TENM3: variants seen among roughly 807,000 people sequenced by gnomAD.
The protein encoded by TENM3 is teneurin transmembrane protein 3.
In TENM3, 63 loss-of-function variants were observed where a neutral mutation model predicts 255.1. The observed-to-expected ratio is 0.25, with a 90% CI of 0.20 to 0.30. TENM3 has a LOEUF of 0.30. Ranked by LOEUF, TENM3 falls within the 10% of genes least tolerant of loss-of-function variation. TENM3 has a pLI of 1.00. For synonymous variants in TENM3, 1,306 were observed against 1,322.3 expected, an observed-to-expected ratio of 0.99 and a Z score of 0.27; for missense variants, 2,929 against 3,461.1, an observed-to-expected ratio of 0.85 and a Z score of 3.86.
intron 7 of TENM3, among the ~76,000 whole-genome samples, chr4:182,676,345 G>A (rs1341376626): frequency 6.6e-6 from 1 of 152,148 alleles, no homozygotes; most frequent in African/African-American, 2.4e-5. Flanking sequence ...TTCACATGAA[G>A]GCTGTTGTCG....
the TENM3 span, among the ~76,000 whole-genome samples, chr4:181,938,682 C>T: frequency 6.6e-6 from 1 of 152,172 alleles, no homozygotes; most frequent in Non-Finnish European, 1.5e-5. Context: ...ATGCATCCCC[C>T]ACCTCGTGCC....
the TENM3 span, among the ~76,000 whole-genome samples, chr4:182,015,856 GTTT>G: frequency 6.6e-6 from 1 of 152,100 alleles, no homozygotes; most frequent in Non-Finnish European, 1.5e-5. Flanking sequence ...CTGATTTTAA[GTTT>G]TTAAGATGAC....
In TENM3 at chr4:182,316,880, G is replaced by A. The variant is rs1402000495; in HGVS notation, c.-75-7066G>A. Among the ~76,000 whole-genome samples the A allele has an allele frequency of 2.0e-5, 3 of 152,074 alleles. 1 individual carries two copies. The South Asian group carries it at 6.2e-4, about 32-fold the overall frequency. On this transcript the variant is annotated intron_variant, in intron 1 of 27. Coordinates refer to ENST00000511685, the MANE Select transcript of TENM3 (RefSeq NM_001080477.4). ...GTGAGGGTCTTCTGGACTCTTCCTG[G>A]GTCCCCCTTCCTGTGCTACAGTCTG... is the stretch of plus-strand genomic sequence containing the variant.
At chr4:181,846,807 C>T in the TENM3 span, among the ~76,000 whole-genome samples, 1 of 151,970 alleles carries the variant, frequency 6.6e-6, no homozygotes, top group Non-Finnish European at 1.5e-5. Context: ...CATTTGGAGC[C>T]CAGGAATCTG....
chr4:182,423,607 C>G (rs905350506), intron 3 of TENM3, among the ~76,000 whole-genome samples: 1 of 152,164 alleles, frequency 6.6e-6, no homozygotes, highest in Non-Finnish European at 1.5e-5. Context: ...GTAAAATACT[C>G]TTTTTTAAAA....
chr4:181,486,676 T>C, the TENM3 span, among the ~76,000 whole-genome samples: 15 of 152,196 alleles, frequency 9.9e-5, no homozygotes, highest in Admixed American at 9.8e-4. Context: ...CCACAGTTGA[T>C]GTTGTGTTAC....
intron 21 of TENM3, 110 bp downstream of exon 21, chr4:182,753,714 TGG>T: frequency 9.8e-7 from 1 of 1,024,530 alleles, no homozygotes. Flanking sequence ...TGTGTTGCAG[TGG>T]TTCTGATAGG....
At chr4:181,793,846 T>A in the TENM3 span, among the ~76,000 whole-genome samples, 2 of 152,352 alleles carry the variant, frequency 1.3e-5, no homozygotes, top group Admixed American at 6.5e-5. Flanking sequence ...TCAATTGGAA[T>A]GCTGTTGAGT....
At chr4:181,963,099 C>T in the TENM3 span, among the ~76,000 whole-genome samples, 4 of 152,172 alleles carry the variant, frequency 2.6e-5, no homozygotes, top group East Asian at 1.9e-4. Context: ...ATTTTAGAAT[C>T]GATTTCTTCT....
At chr4:182,448,927 G>A in intron 3 of TENM3, 1 of 352,632 alleles carries the variant, frequency 2.8e-6, no homozygotes, top group Non-Finnish European at 5.8e-6. Context: ...CTCGGCGGCC[G>A]GGTGTAAACA....
chr4:181,845,902 G>T, the TENM3 span, among the ~76,000 whole-genome samples: 1 of 152,166 alleles, frequency 6.6e-6, no homozygotes, highest in Non-Finnish European at 1.5e-5. Flanking sequence ...AGTGGCTTGA[G>T]CCTCTTATTC....
chr4:181,922,066 G>A, the TENM3 span, among the ~76,000 whole-genome samples: 252 of 152,254 alleles, frequency 1.7e-3, no homozygotes, highest in African/African-American at 5.7e-3. Flanking sequence ...AACCAGCCTT[G>A]CATCCCAGGG....
the TENM3 span, among the ~76,000 whole-genome samples, chr4:181,514,159 G>A: frequency 1.6e-3 from 251 of 152,310 alleles, 2 homozygotes; most frequent in Admixed American, 0.014. Context: ...TAATTCAAAT[G>A]AGATTTTTGA....
At chr4:182,252,519 G>T (rs762513207) in intron 1 of TENM3, among the ~76,000 whole-genome samples, 17 of 152,120 alleles carry the variant, frequency 1.1e-4, no homozygotes, top group Non-Finnish European at 2.5e-4. Context: ...ACAATTTATT[G>T]AGCAACTGAC....
At chr4:181,464,138 CAT>C in the TENM3 span, among the ~76,000 whole-genome samples, 1 of 152,144 alleles carries the variant, frequency 6.6e-6, no homozygotes, top group Non-Finnish European at 1.5e-5. Context: ...TGTGTGGACA[CAT>C]GTTTTCATAT....
intron 3 of TENM3, among the ~76,000 whole-genome samples, chr4:182,596,599 T>C (rs1002564070): frequency 3.9e-5 from 6 of 152,206 alleles, no homozygotes; most frequent in African/African-American, 1.4e-4. Context: ...GAGAAGCAAC[T>C]CTGCCTAAGT....
the TENM3 span, among the ~76,000 whole-genome samples, chr4:181,452,207 G>C: frequency 6.6e-6 from 1 of 152,212 alleles, no homozygotes; most frequent in Non-Finnish European, 1.5e-5. Flanking sequence ...GGATGATAAA[G>C]AATAGAATTG....
At chr4:181,502,330 A>T in the TENM3 span, among the ~76,000 whole-genome samples, 2 of 152,200 alleles carry the variant, frequency 1.3e-5, no homozygotes, top group Middle Eastern at 3.2e-3. Flanking sequence ...CTGCTACAAG[A>T]TGCTGATGGC....
the TENM3 span, among the ~76,000 whole-genome samples, chr4:181,556,659 T>C: frequency 6.6e-6 from 1 of 152,196 alleles, no homozygotes; most frequent in Non-Finnish European, 1.5e-5. Flanking sequence ...CTGTTTTCTT[T>C]GTTTTACTAC....
Sources: gnomAD v4.1 joint callset for allele counts (sites outside exome capture counted in the v4.1 genomes callset) on GRCh38, gnomAD v4.1.1 for gene constraint, MANE v1.5 for transcripts, NCBI Gene and HGNC (gene_info 2026-07-23, HGNC 2026-07-21) for gene names.